SNX7: variants seen among roughly 807,000 people sequenced by gnomAD.
SNX7 encodes the protein sorting nexin-7.
A neutral mutation model predicts 48.4 loss-of-function variants in SNX7; 35 were observed. The observed-to-expected ratio is 0.72, with a 90% CI of 0.55 to 0.96. SNX7 has a LOEUF of 0.96. Ranked by LOEUF, SNX7 falls within the 40% of genes least tolerant of loss-of-function variation. SNX7 has a pLI of 0.00. For missense variants in SNX7, 553 were observed against 548.9 expected (o/e 1.01, Z -0.07); for synonymous variants, 190 against 190.2 (o/e 1.00, Z 0.01).
intron 7 of SNX7, among the ~76,000 whole-genome samples, chr1:98,707,777 C>T (rs1358298366): frequency 6.6e-6 from 1 of 152,114 alleles, no homozygotes; most frequent in East Asian, 1.9e-4. Flanking sequence ...CAAAGAAATG[C>T]ATTTTCATAA....
intron 7 of SNX7, among the ~76,000 whole-genome samples, chr1:98,703,557 A>G (rs946189470): frequency 1.3e-5 from 2 of 152,094 alleles, no homozygotes; most frequent in African/African-American, 2.4e-5. Flanking sequence ...ACTAGTGCTC[A>G]AGGGAAAACT....
chr1:98,748,407 G>T (rs1440752685), intron 8 of SNX7, among the ~76,000 whole-genome samples: 1 of 152,094 alleles, frequency 6.6e-6, no homozygotes, highest in African/African-American at 2.4e-5. Context: ...GAAATAGACA[G>T]TTATATCATG....
chr1:98,730,449 G>T (rs1178364946), intron 7 of SNX7, among the ~76,000 whole-genome samples: 1 of 152,146 alleles, frequency 6.6e-6, no homozygotes, highest in East Asian at 1.9e-4. Flanking sequence ...TACTCAGGAA[G>T]AGAGGAAATC....
intron 6 of SNX7, among the ~76,000 whole-genome samples, chr1:98,701,329 A>G (rs867473021): frequency 1.3e-5 from 2 of 152,148 alleles, no homozygotes; most frequent in Admixed American, 6.6e-5. Context: ...TGCATACTTC[A>G]ATTTTCTGAT....
intron 1 of SNX7, among the ~76,000 whole-genome samples, chr1:98,681,857 G>A (rs934702777): frequency 6.6e-6 from 1 of 152,136 alleles, no homozygotes. Flanking sequence ...TGGTTAGGTA[G>A]GAGAGTATTC....
At chr1:98,688,521 G>T (rs1220448352) in intron 2 of SNX7, among the ~76,000 whole-genome samples, 1 of 152,142 alleles carries the variant, frequency 6.6e-6, no homozygotes, top group Non-Finnish European at 1.5e-5. Flanking sequence ...ATAGTTAGGA[G>T]TTAAGCTGTA....
At chr1:98,710,469 G>A (rs1181396730) in intron 7 of SNX7, among the ~76,000 whole-genome samples, 1 of 151,914 alleles carries the variant, frequency 6.6e-6, no homozygotes, top group Admixed American at 6.6e-5. Flanking sequence ...AACTGCAACC[G>A]AAAAAGTAAC....
chr1:98,673,265 T>G (rs1257186500), intron 1 of SNX7, among the ~76,000 whole-genome samples: 1 of 152,206 alleles, frequency 6.6e-6, no homozygotes, highest in Non-Finnish European at 1.5e-5. Flanking sequence ...TTCTTTCTGT[T>G]CCTCAAATAT....
intron 8 of SNX7, among the ~76,000 whole-genome samples, chr1:98,758,541 C>T (rs1442330529): frequency 1.3e-5 from 2 of 152,048 alleles, no homozygotes; most frequent in Non-Finnish European, 2.9e-5. Context: ...AGTGACTGTG[C>T]TTCTTGGATT....
intron 6 of SNX7, among the ~76,000 whole-genome samples, chr1:98,699,270 T>C (rs1175614463): frequency 1.3e-5 from 2 of 152,152 alleles, no homozygotes; most frequent in Admixed American, 1.3e-4. Context: ...TGCTTCTAGG[T>C]ACATTTGATT....
chr1:98,734,636 A>G (rs1327440946), intron 7 of SNX7, among the ~76,000 whole-genome samples: 2 of 152,154 alleles, frequency 1.3e-5, no homozygotes, highest in Non-Finnish European at 2.9e-5. Flanking sequence ...AATAGTCATG[A>G]TTACTGCTGT....
intron 7 of SNX7, among the ~76,000 whole-genome samples, chr1:98,730,893 C>G (rs1460906163): frequency 6.6e-6 from 1 of 152,080 alleles, no homozygotes; most frequent in African/African-American, 2.4e-5. Context: ...CCTCAGCAAA[C>G]TAACACAGGA....
At chr1:98,726,382 C>G (rs1300102039) in intron 7 of SNX7, among the ~76,000 whole-genome samples, 1 of 152,116 alleles carries the variant, frequency 6.6e-6, no homozygotes, top group Non-Finnish European at 1.5e-5. Context: ...TGAGTCTTGA[C>G]CTAAAGCCAG....
chr1:98,674,497 A>T (rs1420627538), intron 1 of SNX7, among the ~76,000 whole-genome samples: 1 of 152,188 alleles, frequency 6.6e-6, no homozygotes, highest in East Asian at 1.9e-4. Flanking sequence ...ATAGAAAGAT[A>T]GCAGTCGTAA....
intron 7 of SNX7, among the ~76,000 whole-genome samples, chr1:98,734,845 C>T (rs1382745320): frequency 1.3e-5 from 2 of 152,044 alleles, no homozygotes; most frequent in African/African-American, 4.8e-5. Flanking sequence ...GGCATTACAA[C>T]GTTTTGCTGG....
chr1:98,708,200 T>G (rs1194211722), intron 7 of SNX7, among the ~76,000 whole-genome samples: 2 of 152,210 alleles, frequency 1.3e-5, no homozygotes, highest in Non-Finnish European at 2.9e-5. Flanking sequence ...TGTCTGTCTC[T>G]CATGCACAGA....
At chr1:98,732,457 C>T (rs193029158) in intron 7 of SNX7, among the ~76,000 whole-genome samples, 75 of 152,118 alleles carry the variant, frequency 4.9e-4, no homozygotes, top group Admixed American at 4.5e-3. Flanking sequence ...TATTCCTCTC[C>T]GTCTCAGTGA....
At chr1:98,754,815 A>T (rs1174463465) in intron 8 of SNX7, among the ~76,000 whole-genome samples, 3 of 149,616 alleles carry the variant, frequency 2.0e-5, no homozygotes, top group African/African-American at 2.5e-5. Context: ...ATTGAGTCCC[A>T]CTTTGCTCTT....
At chr1:98,662,473 G>A in intron 1 of SNX7, 1 of 326,292 alleles carries the variant, frequency 3.1e-6, no homozygotes, top group Non-Finnish European at 6.0e-6. Context: ...CTCCGCTGAG[G>A]AGCTAAGGAT....
Sources: allele counts gnomAD v4.1 joint callset (sites outside exome capture counted in the v4.1 genomes callset), GRCh38; gene constraint gnomAD v4.1.1; transcripts MANE v1.5; gene names NCBI Gene and HGNC (gene_info 2026-07-23, HGNC 2026-07-21).